NKAIN2: variants seen among roughly 807,000 people sequenced by gnomAD.
NKAIN2 encodes the protein sodium/potassium transporting ATPase interacting 2.
Under a neutral mutation model 32.6 loss-of-function variants are expected in NKAIN2, and 14 were observed. The ratio of observed to expected loss-of-function variants is 0.43; its 90% CI spans 0.28 to 0.67. NKAIN2 has a LOEUF of 0.67. NKAIN2 is among the 30% of genes least tolerant of loss of function. The probability of loss-of-function intolerance (pLI) is 0.17; values close to 1 mark genes in which losing one functional copy is unlikely to be tolerated. For synonymous variants in NKAIN2, 80 were observed against 87.2 expected, an observed-to-expected ratio of 0.92 and a Z score of 0.46; for missense variants, 198 against 258.3, an observed-to-expected ratio of 0.77 and a Z score of 1.60.
intron 3 of NKAIN2, among the ~76,000 whole-genome samples, chr6:124,420,874 A>T (rs745843561): frequency 3.3e-5 from 5 of 150,602 alleles, no homozygotes; most frequent in Non-Finnish European, 7.5e-5. Context: ...AATTCTACTC[A>T]CTCACTAGGA....
intron 3 of NKAIN2, among the ~76,000 whole-genome samples, chr6:124,655,138 A>G (rs1784495833): frequency 6.6e-6 from 1 of 152,078 alleles, no homozygotes; most frequent in Non-Finnish European, 1.5e-5. Context: ...TATTTATATA[A>G]TTGTTAATTC....
chr6:124,402,589 A>C (rs1265929055), intron 3 of NKAIN2, among the ~76,000 whole-genome samples: 1 of 152,244 alleles, frequency 6.6e-6, no homozygotes, highest in Non-Finnish European at 1.5e-5. Flanking sequence ...AATGTGGTAC[A>C]TGTGCACCAT....
chr6:124,727,580 C>A (rs1326059646), intron 4 of NKAIN2, among the ~76,000 whole-genome samples: 1 of 151,936 alleles, frequency 6.6e-6, no homozygotes, highest in African/African-American at 2.4e-5. Flanking sequence ...AAAGGAACAA[C>A]CCGTACCAGC....
intron 1 of NKAIN2, among the ~76,000 whole-genome samples, chr6:123,875,115 A>G (rs1409270459): frequency 6.6e-6 from 1 of 151,812 alleles, no homozygotes; most frequent in East Asian, 1.9e-4. Context: ...CCATTTGGGG[A>G]CATTTAGGTT....
chr6:124,230,818 G>C lies in NKAIN2; in HGVS notation c.55-52187G>C, dbSNP rs930560147. On this transcript the variant is annotated intron_variant, in intron 1 of 6. Transcript: ENST00000368417. ...GGCAGAAGTTTGCTGCAGGGGCAGG[G>C]CTCTCATGGAGAACCTGTTCTAGGG... 1.2e-4 allele frequency among the ~76,000 whole-genome samples: 19 copies of C among 152,218 alleles called. 1 individual carries two copies. Among genetic ancestry groups the C allele is most frequent in the Admixed American group, 1.2e-3 (19 of 15,274 alleles).
At chr6:123,923,954 A>AAAAAAAATT (rs1775889062) in intron 1 of NKAIN2, among the ~76,000 whole-genome samples, 1 of 146,992 alleles carries the variant, frequency 6.8e-6, no homozygotes, top group Non-Finnish European at 1.5e-5. Context: ...TAATAAAAAT[A>AAAAAAAATT]AAAAAAATTA....
chr6:124,718,602 T>C (rs1419046756), intron 4 of NKAIN2, among the ~76,000 whole-genome samples: 5 of 152,178 alleles, frequency 3.3e-5, no homozygotes, highest in African/African-American at 1.2e-4. Flanking sequence ...CCCCATAGAA[T>C]TTCCTATGAA....
intron 3 of NKAIN2, among the ~76,000 whole-genome samples, chr6:124,526,580 T>C (rs1562238495): frequency 6.6e-6 from 1 of 152,092 alleles, no homozygotes; most frequent in African/African-American, 2.4e-5. Flanking sequence ...TAATCATGGG[T>C]TATCTCTCAT....
intron 3 of NKAIN2, among the ~76,000 whole-genome samples, chr6:124,396,278 T>C (rs114847918): frequency 0.013 from 2,022 of 151,270 alleles, 39 homozygotes; most frequent in African/African-American, 0.046. Context: ...ACTATTAGAA[T>C]AGAATATGAA....
intron 1 of NKAIN2, among the ~76,000 whole-genome samples, chr6:123,903,619 G>T (rs1774712638): frequency 6.6e-6 from 1 of 152,042 alleles, no homozygotes; most frequent in South Asian, 2.1e-4. Flanking sequence ...CATAGCAATT[G>T]GCTAGAGTCC....
At chr6:124,061,351 T>C (rs1388076509) in intron 1 of NKAIN2, among the ~76,000 whole-genome samples, 1 of 152,144 alleles carries the variant, frequency 6.6e-6, no homozygotes, top group Non-Finnish European at 1.5e-5. Flanking sequence ...TATTAACCCT[T>C]ACAGCTATTT....
intron 3 of NKAIN2, among the ~76,000 whole-genome samples, chr6:124,396,943 T>C (rs914907265): frequency 1.3e-5 from 2 of 152,200 alleles, no homozygotes; most frequent in Non-Finnish European, 2.9e-5. Flanking sequence ...ATTAGAACTT[T>C]ATGATTTTTG....
intron 4 of NKAIN2, among the ~76,000 whole-genome samples, chr6:124,696,255 A>G (rs1257726505): frequency 1.3e-5 from 2 of 152,152 alleles, no homozygotes; most frequent in Non-Finnish European, 2.9e-5. Context: ...ATCACTTTGC[A>G]TGCGAATGTG....
intron 3 of NKAIN2, among the ~76,000 whole-genome samples, chr6:124,628,314 T>C (rs1346456840): frequency 6.6e-6 from 1 of 152,180 alleles, no homozygotes; most frequent in African/African-American, 2.4e-5. Flanking sequence ...TATTCTACCC[T>C]AAGATGTAAT....
intron 3 of NKAIN2, among the ~76,000 whole-genome samples, chr6:124,618,599 C>T (rs1308531413): frequency 2.0e-5 from 3 of 152,156 alleles, no homozygotes; most frequent in Non-Finnish European, 4.4e-5. Flanking sequence ...TAAGGTTGTT[C>T]TCCAAATGAA....
intron 1 of NKAIN2, among the ~76,000 whole-genome samples, chr6:124,228,789 A>G (rs1022637296): frequency 6.6e-6 from 1 of 152,194 alleles, no homozygotes; most frequent in African/African-American, 2.4e-5. Context: ...TTAATGTAAA[A>G]TGAAATAGTT....
chr6:124,662,305 A>T (rs1337137059), intron 4 of NKAIN2, among the ~76,000 whole-genome samples: 2 of 18,726 alleles, frequency 1.1e-4, no homozygotes, highest in South Asian at 1.6e-3. Context: ...AGAATAATTT[A>T]TATATATATA....
At chr6:124,812,805 C>A (rs1317416866) in intron 5 of NKAIN2, among the ~76,000 whole-genome samples, 1 of 151,842 alleles carries the variant, frequency 6.6e-6, no homozygotes, top group Admixed American at 6.6e-5. Flanking sequence ...TGAACCTTTT[C>A]TTTTCCTCCC....
chr6:124,562,704 A>C (rs565006863), intron 3 of NKAIN2, among the ~76,000 whole-genome samples: 4 of 152,102 alleles, frequency 2.6e-5, no homozygotes, highest in Admixed American at 6.5e-5. Flanking sequence ...CCAAAGCAAA[A>C]AACTTCCATG....
Sources: gnomAD v4.1 joint callset for allele counts (sites outside exome capture counted in the v4.1 genomes callset) on GRCh38, gnomAD v4.1.1 for gene constraint, MANE v1.5 for transcripts, NCBI Gene and HGNC (gene_info 2026-07-23, HGNC 2026-07-21) for gene names.